MCEMP1: variants seen among roughly 807,000 people sequenced by gnomAD.
The protein encoded by MCEMP1 is mast cell expressed membrane protein 1.
MCEMP1 carries 17 observed loss-of-function variants against 27.9 expected under a neutral mutation model. The observed-to-expected ratio is 0.61, with a 90% CI of 0.42 to 0.91. MCEMP1 has a LOEUF of 0.91. MCEMP1 is among the 40% of genes least tolerant of loss of function. The probability of loss-of-function intolerance (pLI) is 0.00; values close to 1 mark genes in which losing one functional copy is unlikely to be tolerated. For synonymous variants in MCEMP1, 88 were observed against 76.9 expected (o/e 1.14, Z -0.76); for missense variants, 200 against 204.8 (o/e 0.98, Z 0.14).
chr19:7,678,853 G>T lies in MCEMP1; in HGVS notation c.449-71G>T. The T allele has an allele frequency of 5.6e-6, 8 of 1,431,914 alleles. No individual in the cohort carries two copies. Among genetic ancestry groups the T allele is most frequent in the African/African-American group, 4.2e-5 (3 of 70,724 alleles). The allele number at this position is 1,431,914 out of a possible 1,614,324, so 88.7% of individuals were successfully genotyped here. ...GGCAGGGGGGGTGCTTCCAAGGAAGGTGGGGGCTTTGTTTGAGGCTCCACC... is the reference window on the plus strand; with the variant it reads ...GGCAGGGGGGGTGCTTCCAAGGAAGTTGGGGGCTTTGTTTGAGGCTCCACC... On this transcript the variant is annotated intron_variant, in intron 5 of 6. Transcript: ENST00000333598. This position sits in a 1 kb window ranked among gnomAD's most constrained non-coding sequence, Gnocchi z 4.8.
chr19:7,678,712 A>G lies in MCEMP1; in HGVS notation c.448+108A>G. 1.6e-6 allele frequency: 2 copies of G among 1,238,534 alleles called. No individual in the cohort carries two copies. The highest frequency in any genetic ancestry group is 2.3e-6 in the Non-Finnish European group (2 of 865,226). The allele number at this position is 1,238,534 out of a possible 1,614,324, so 76.7% of individuals were successfully genotyped here. A position where few individuals can be genotyped will look rare whatever the true frequency, so the allele number is the denominator to read the frequency against. On this transcript the variant is annotated intron_variant, in intron 5 of 6. Transcript: ENST00000333598. The surrounding 1 kb of genome is among the most constrained non-coding windows in gnomAD (Gnocchi z 4.8). Reference sequence around the variant, plus strand: ...GAGAAAGCCGGGGTCCTACCCTCCCAAAGCTCAAGTTGTGGAGGGGCGATG... The same window carrying G: ...GAGAAAGCCGGGGTCCTACCCTCCCGAAGCTCAAGTTGTGGAGGGGCGATG...
chr19:7,677,522 C>T lies in MCEMP1; in HGVS notation c.56-115C>T. 1 of 1,071,262 alleles carries T rather than the reference C, an allele frequency of 9.3e-7. No individual in the cohort carries two copies. The highest frequency in any genetic ancestry group is 1.4e-6 in the Non-Finnish European group (1 of 696,860). 66.4% of individuals were successfully genotyped at this position (1,071,262 alleles called of 1,614,324 possible). On this transcript the variant is annotated intron_variant, in intron 1 of 6. Coordinates refer to ENST00000333598, the MANE Select transcript of MCEMP1 (RefSeq NM_174918.3). This position sits in a 1 kb window ranked among gnomAD's most constrained non-coding sequence, Gnocchi z 4.6. The stretch of plus-strand genomic sequence containing the variant: ...AACCAAAAAGCAGATTTTAGCTTCT[C>T]ACTCCTTATCTTTCACCCCCTACAA...
Position 7,678,836 on chromosome 19 carries a change from G to A in MCEMP1, c.449-88G>A, listed in dbSNP as rs2032583744. On this transcript the variant is annotated intron_variant, in intron 5 of 6. Transcript: ENST00000333598. The surrounding 1 kb of genome is among the most constrained non-coding windows in gnomAD (Gnocchi z 4.8). Reference sequence around the variant, plus strand: ...CCCCAGGGTGGGTGTGGGGCAGGGGGGGTGCTTCCAAGGAAGGTGGGGGCT... The same window carrying A: ...CCCCAGGGTGGGTGTGGGGCAGGGGAGGTGCTTCCAAGGAAGGTGGGGGCT... 7 of 1,348,306 alleles carry A rather than the reference G, an allele frequency of 5.2e-6. No homozygotes were observed. Among genetic ancestry groups the A allele is most frequent in the Non-Finnish European group, 7.2e-6 (7 of 977,836 alleles). 83.5% of individuals were successfully genotyped at this position (1,348,306 alleles called of 1,614,324 possible). A position where few individuals can be genotyped will look rare whatever the true frequency, so the allele number is the denominator to read the frequency against.
Position 7,678,897 on chromosome 19 carries a change from T to TCCCCC in MCEMP1, c.449-24_449-23insCCCCC. 92 of 993,718 alleles carry TCCCCC rather than the reference T, an allele frequency of 9.3e-5. No individual in the cohort carries two copies. The highest frequency in any genetic ancestry group is 1.2e-4 in the Non-Finnish European group (76 of 644,626). The allele number at this position is 993,718 out of a possible 1,614,324, so 61.6% of individuals were successfully genotyped here. A position where few individuals can be genotyped will look rare whatever the true frequency, so the allele number is the denominator to read the frequency against. On this transcript the variant is annotated intron_variant, in intron 5 of 6. Coordinates refer to ENST00000333598, the MANE Select transcript of MCEMP1 (RefSeq NM_174918.3). This position sits in a 1 kb window ranked among gnomAD's most constrained non-coding sequence, Gnocchi z 4.8. Reference sequence around the variant, plus strand: ...CTCCACCGCAGCTTGACTTATCTGTTCCCACCCAACCCTCCCCGCCCCCTA... The same window carrying TCCCCC: ...CTCCACCGCAGCTTGACTTATCTGTTCCCCCCCCACCCAACCCTCCCCGCCCCCTA...
rs2032593995 is a variant in MCEMP1, at chr19:7,679,250, T to G, written c.*136T>G. 2.7e-5 allele frequency: 28 copies of G among 1,034,192 alleles called. No individual in the cohort carries two copies. Among genetic ancestry groups the G allele is most frequent in the Non-Finnish European group, 3.7e-5 (27 of 726,900 alleles). 64.1% of individuals were successfully genotyped at this position (1,034,192 alleles called of 1,614,324 possible). A position where few individuals can be genotyped will look rare whatever the true frequency, so the allele number is the denominator to read the frequency against. Reference sequence around the variant, plus strand: ...GTCCCACGTATAGAAAAACCTCGAGTCATGGTGAATGAGTGTCTCGGAGTT... The same window carrying G: ...GTCCCACGTATAGAAAAACCTCGAGGCATGGTGAATGAGTGTCTCGGAGTT... On this transcript the variant is annotated 3_prime_UTR_variant, in exon 7 of 7. Coordinates refer to ENST00000333598, the MANE Select transcript of MCEMP1 (RefSeq NM_174918.3). The surrounding 1 kb of genome is among the most constrained non-coding windows in gnomAD (Gnocchi z 4.9).
Position 7,678,367 on chromosome 19 carries a change from G to T in MCEMP1, c.301G>T (p.Glu101Ter), listed in dbSNP as rs777902779. ...IMVKNAEMSK[E>*]LLGFKRELWN... ...CTGAACAGATGCTGAGATGTCCAAG[G>T]AGCTGCTGGGCTTTAAAAGGGAGCT... is the stretch of plus-strand genomic sequence containing the variant. Residue 101 changes from glutamate to a stop codon, truncating the protein, a stop_gained, in exon 4 of 7, where the codon GAG becomes TAG. Transcript: ENST00000333598. LOFTEE classifies it high-confidence loss of function. This position sits in a 1 kb window ranked among gnomAD's most constrained non-coding sequence, Gnocchi z 4.8. 6.2e-7 allele frequency: 1 copy of T among 1,614,102 alleles called. No homozygotes were observed. Among genetic ancestry groups the T allele is most frequent in the Non-Finnish European group, 8.5e-7 (1 of 1,180,024 alleles).
At position 7,678,822 on chromosome 19, in the gene MCEMP1, G is replaced by A. The variant is rs968135444; in HGVS notation, c.449-102G>A. On this transcript the variant is annotated intron_variant, in intron 5 of 6. Coordinates refer to ENST00000333598, the MANE Select transcript of MCEMP1 (RefSeq NM_174918.3). This position sits in a 1 kb window ranked among gnomAD's most constrained non-coding sequence, Gnocchi z 4.8. ...TGGGCTCTGCTGTACCCCAGGGTGG[G>A]TGTGGGGCAGGGGGGGTGCTTCCAA... 9.5e-6 allele frequency: 12 copies of A among 1,265,880 alleles called. No individual in the cohort carries two copies. In the Admixed American group the frequency reaches 1.5e-4, roughly 16 times the overall value. The allele number at this position is 1,265,880 out of a possible 1,614,324, so 78.4% of individuals were successfully genotyped here.
In MCEMP1 at chr19:7,678,569, G is replaced by C. The variant is rs1405635478; in HGVS notation, c.413G>C (p.Arg138Thr). 3.7e-6 allele frequency: 6 copies of C among 1,614,156 alleles called. No homozygotes were observed. In the South Asian group the frequency reaches 5.5e-5, roughly 15 times the overall value. The change falls in exon 5 of 7, where the codon AGG becomes ACG. Residue 138 changes from arginine (R) to threonine (T), a missense_variant. Transcript: ENST00000333598. The surrounding 1 kb of genome is among the most constrained non-coding windows in gnomAD (Gnocchi z 4.8). ...DSVQQSITMV[R>T]SKIDRLETTL... ...GTTCAGCAGAGCATCACCATGGTCA[G>C]GAGCAAGATTGATAGATTAGAGACG...
Position 7,679,055 on chromosome 19 carries a change from A to AG in MCEMP1, c.509-39dup. 1 of 1,607,546 alleles carries AG rather than the reference A, an allele frequency of 6.2e-7. No homozygotes were observed. The highest frequency in any genetic ancestry group is 8.5e-7 in the Non-Finnish European group (1 of 1,176,612). On this transcript the variant is annotated intron_variant, in intron 6 of 6. Transcript: ENST00000333598. The surrounding 1 kb of genome is among the most constrained non-coding windows in gnomAD (Gnocchi z 4.9). ...CAGATTTAGCCCCAGCTCCTCTCCCAGGGGCGGGATCTGCCTCACTGTGGG... is the reference window on the plus strand; with the variant it reads ...CAGATTTAGCCCCAGCTCCTCTCCCAGGGGGCGGGATCTGCCTCACTGTGGG...
rs2032588671 is a variant in MCEMP1, at chr19:7,679,026, G to C, written c.508+43G>C. The C allele has an allele frequency of 1.9e-6, 3 of 1,601,544 alleles. No individual in the cohort carries two copies. Among genetic ancestry groups the C allele is most frequent in the African/African-American group, 1.3e-5 (1 of 74,744 alleles). ...CAGGAGGTGGAGGAGGGTGGGTGGG[G>C]CTTCAGATTTAGCCCCAGCTCCTCT... On this transcript the variant is annotated intron_variant, in intron 6 of 6. Transcript: ENST00000333598. This position sits in a 1 kb window ranked among gnomAD's most constrained non-coding sequence, Gnocchi z 4.9.
chr19:7,678,017 G>A lies in MCEMP1; in HGVS notation c.146-87G>A, dbSNP rs1206974880. On this transcript the variant is annotated intron_variant, in intron 2 of 6. Transcript: ENST00000333598. The surrounding 1 kb of genome is among the most constrained non-coding windows in gnomAD (Gnocchi z 4.8). ...AGCTGCTGATGGTTTTGAGAGGAGC[G>A]AGGTGTCCATGGTGTTAGAGACAGT... The A allele has an allele frequency of 2.8e-5, 42 of 1,498,256 alleles. No individual in the cohort carries two copies. The highest frequency in any genetic ancestry group is 2.5e-4 in the Middle Eastern group (1 of 3,996). 92.8% of individuals were successfully genotyped at this position (1,498,256 alleles called of 1,614,324 possible).
Position 7,678,993 on chromosome 19 carries a change from C to T in MCEMP1, c.508+10C>T, listed in dbSNP as rs4804766. The T allele has an allele frequency of 0.32, 497,078 of 1,539,824 alleles. 79,049 individuals carry two copies. Among genetic ancestry groups the T allele is most frequent in the Middle Eastern group, 0.4 (2,306 of 5,756 alleles). Reference sequence around the variant, plus strand: ...CTGCAGAAAATGCCACGTAAGTTGGCGCCCCGACAGGAGGTGGAGGAGGGT... The same window carrying T: ...CTGCAGAAAATGCCACGTAAGTTGGTGCCCCGACAGGAGGTGGAGGAGGGT... On this transcript the variant is annotated intron_variant, in intron 6 of 6. Transcript: ENST00000333598. The surrounding 1 kb of genome is among the most constrained non-coding windows in gnomAD (Gnocchi z 4.8).
Position 7,678,871 on chromosome 19 carries a change from G to A in MCEMP1, c.449-53G>A. 1 of 1,488,736 alleles carries A rather than the reference G, an allele frequency of 6.7e-7. No individual in the cohort carries two copies. Among genetic ancestry groups the A allele is most frequent in the Non-Finnish European group, 9.1e-7 (1 of 1,096,216 alleles). The allele number at this position is 1,488,736 out of a possible 1,614,324, so 92.2% of individuals were successfully genotyped here. A position where few individuals can be genotyped will look rare whatever the true frequency, so the allele number is the denominator to read the frequency against. On this transcript the variant is annotated intron_variant, in intron 5 of 6. Transcript: ENST00000333598. This position sits in a 1 kb window ranked among gnomAD's most constrained non-coding sequence, Gnocchi z 4.8. Reference sequence around the variant, plus strand: ...AAGGAAGGTGGGGGCTTTGTTTGAGGCTCCACCGCAGCTTGACTTATCTGT... The same window carrying A: ...AAGGAAGGTGGGGGCTTTGTTTGAGACTCCACCGCAGCTTGACTTATCTGT...
chr19:7,678,308 C>G lies in MCEMP1; in HGVS notation c.284-42C>G. 6.2e-7 allele frequency: 1 copy of G among 1,614,112 alleles called. No homozygotes were observed. Among genetic ancestry groups the G allele is most frequent in the Non-Finnish European group, 8.5e-7 (1 of 1,180,032 alleles). On this transcript the variant is annotated intron_variant, in intron 3 of 6. Transcript: ENST00000333598. This position sits in a 1 kb window ranked among gnomAD's most constrained non-coding sequence, Gnocchi z 4.8. ...TTCTCCCTTGTCCTTCTCTCTCTCT[C>G]TCCCTGGGTGCTTCAAGGATTTTCC...
chr19:7,679,413 T>C lies in MCEMP1; in HGVS notation c.*299T>C. 4.6e-6 allele frequency: 2 copies of C among 433,324 alleles called. No individual in the cohort carries two copies. Among genetic ancestry groups the C allele is most frequent in the South Asian group, 4.2e-5 (1 of 23,960 alleles). 26.8% of individuals were successfully genotyped at this position (433,324 alleles called of 1,614,324 possible). On this transcript the variant is annotated 3_prime_UTR_variant, in exon 7 of 7. Coordinates refer to ENST00000333598, the MANE Select transcript of MCEMP1 (RefSeq NM_174918.3). This position sits in a 1 kb window ranked among gnomAD's most constrained non-coding sequence, Gnocchi z 4.9. ...GTGTATCTCCCAGAAAGGTGATGAA[T>C]GAATAGGACTGAGAGTCACAGTGAA...
chr19:7,677,658 A>C lies in MCEMP1; in HGVS notation c.77A>C (p.Glu26Ala). 1 of 1,614,074 alleles carries C rather than the reference A, an allele frequency of 6.2e-7. No individual in the cohort carries two copies. Among genetic ancestry groups the C allele is most frequent in the Non-Finnish European group, 8.5e-7 (1 of 1,179,928 alleles). Residue 26 changes from glutamate to alanine, a missense_variant, in exon 2 of 7, where the codon GAG (glutamate) becomes GCG (alanine). Physicochemically the swap from Glu to Ala is moderately radical, Grantham distance 107. Transcript: ENST00000333598. The surrounding 1 kb of genome is among the most constrained non-coding windows in gnomAD (Gnocchi z 4.6). ...CCAGGTGCCCATGACCCAGACTATGAGAATATCACCTTGGCCTTCAAAAAT... is the reference window on the plus strand; with the variant it reads ...CCAGGTGCCCATGACCCAGACTATGCGAATATCACCTTGGCCTTCAAAAAT... The part of the protein sequence containing the change: ...KNQGAHDPDY[E>A]NITLAFKNQD...
chr19:7,678,571 A>G lies in MCEMP1; in HGVS notation c.415A>G (p.Ser139Gly), dbSNP rs2032580099. ...TCAGCAGAGCATCACCATGGTCAGGAGCAAGATTGATAGATTAGAGACGAC... is the reference window on the plus strand; with the variant it reads ...TCAGCAGAGCATCACCATGGTCAGGGGCAAGATTGATAGATTAGAGACGAC... ...SVQQSITMVR[S>G]KIDRLETTLA... Residue 139 changes from serine to glycine, a missense_variant, in exon 5 of 7, where the codon AGC (serine) becomes GGC (glycine). Ser to Gly is a moderately conservative substitution (Grantham distance 56). Transcript: ENST00000333598. The surrounding 1 kb of genome is among the most constrained non-coding windows in gnomAD (Gnocchi z 4.8). 2 of 1,614,126 alleles carry G rather than the reference A, an allele frequency of 1.2e-6. No homozygotes were observed. The highest frequency in any genetic ancestry group is 2.2e-5 in the East Asian group (1 of 44,874).
chr19:7,678,386 G>A lies in MCEMP1; in HGVS notation c.320G>A (p.Arg107Lys), dbSNP rs768814799. The A allele has an allele frequency of 1.9e-6, 3 of 1,613,958 alleles. No individual in the cohort carries two copies. The highest frequency in any genetic ancestry group is 1.7e-5 in the Admixed American group (1 of 59,988). ...TCCAAGGAGCTGCTGGGCTTTAAAA[G>A]GGAGCTTTGGAATGGTGAGCGGAGG... ...EMSKELLGFKRELWNVSNSVQ... is the reference protein window; with the variant it reads ...EMSKELLGFKKELWNVSNSVQ... The change falls in exon 4 of 7, where the codon AGG (arginine) becomes AAG (lysine). Residue 107 changes from arginine (R) to lysine (K), a missense_variant. Physicochemically the swap from Arg to Lys is conservative, Grantham distance 26. Coordinates refer to ENST00000333598, the MANE Select transcript of MCEMP1 (RefSeq NM_174918.3). This position sits in a 1 kb window ranked among gnomAD's most constrained non-coding sequence, Gnocchi z 4.8.
Position 7,678,909 on chromosome 19 carries a change from C to T in MCEMP1, c.449-15C>T. ...TTGACTTATCTGTTCCCACCCAACC[C>T]TCCCCGCCCCCTAGGCATAAAAAAC... On this transcript the variant is annotated splice_polypyrimidine_tract_variant and intron_variant, in intron 5 of 6. Transcript: ENST00000333598. This position sits in a 1 kb window ranked among gnomAD's most constrained non-coding sequence, Gnocchi z 4.8. The T allele has an allele frequency of 7.0e-7, 1 of 1,422,960 alleles. No homozygotes were observed. Among genetic ancestry groups the T allele is most frequent in the Non-Finnish European group, 9.7e-7 (1 of 1,026,572 alleles). 88.1% of individuals were successfully genotyped at this position (1,422,960 alleles called of 1,614,324 possible). A position where few individuals can be genotyped will look rare whatever the true frequency, so the allele number is the denominator to read the frequency against.
Sources: gnomAD v4.1 joint callset for allele counts on GRCh38, gnomAD v4.1.1 for gene constraint, Gnocchi (gnomAD v3.1) non-coding constraint, MANE v1.5 for transcripts, NCBI Gene and HGNC (gene_info 2026-07-23, HGNC 2026-07-21) for gene names.